DYNC1H1: variants seen among roughly 807,000 people sequenced by gnomAD.
The protein encoded by DYNC1H1 is dynein cytoplasmic 1 heavy chain 1.
In DYNC1H1, 51 loss-of-function variants were observed where a neutral mutation model predicts 527.1. The observed-to-expected ratio is 0.10, with a 90% CI of 0.08 to 0.12. The LOEUF is 0.12. Among genes scored for constraint, DYNC1H1 ranks in the 10% least tolerant of loss-of-function variants. The probability of loss-of-function intolerance (pLI) is 1.00; values close to 1 mark genes in which losing one functional copy is unlikely to be tolerated. For missense variants in DYNC1H1, 2,771 were observed against 5,971.8 expected (o/e 0.46, Z 17.66); for synonymous variants, 2,189 against 2,278.8 (o/e 0.96, Z 1.12).
intron 7 of DYNC1H1, among the ~76,000 whole-genome samples, chr14:101,984,399 A>ATG (rs1357179017): frequency 2.1e-3 from 183 of 87,492 alleles, no homozygotes; most frequent in South Asian, 0.011. Flanking sequence ...ATATGCGTAT[A>ATG]TATGTGTGTG....
At position 102,055,517 on chromosome 14, in the gene DYNC1H1, C is replaced by G. The variant is rs1442954692; in HGVS notation, c.*4954C>G. ...ACCTCCACCTCCAATTAAGCTCCACCCCCATGTCCCCACTGCCCTCCGGAC... is the reference window on the plus strand; with the variant it reads ...ACCTCCACCTCCAATTAAGCTCCACGCCCATGTCCCCACTGCCCTCCGGAC... On this transcript the variant is annotated 3_prime_UTR_variant, in exon 78 of 78. Coordinates refer to ENST00000360184, the MANE Select transcript of DYNC1H1 (RefSeq NM_001376.5). The G allele has an allele frequency of 6.5e-6, 1 of 152,796 alleles. No individual in the cohort carries two copies. The highest frequency in any genetic ancestry group is 1.5e-5 in the Non-Finnish European group (1 of 68,332). The allele number at this position is 152,796 out of a possible 1,614,324, so 9.5% of individuals were successfully genotyped here.
intron 10 of DYNC1H1, among the ~76,000 whole-genome samples, chr14:101,991,023 A>T (rs2047992002): frequency 1.3e-5 from 2 of 151,762 alleles, no homozygotes; most frequent in Admixed American, 6.6e-5. Flanking sequence ...AAAAAAAAAA[A>T]AATACAAAAA....
intron 15 of DYNC1H1, among the ~76,000 whole-genome samples, chr14:101,996,700 C>T (rs1298829695): frequency 6.6e-6 from 1 of 152,190 alleles, no homozygotes; most frequent in Non-Finnish European, 1.5e-5. Context: ...TAGCTCACTG[C>T]AGCCTCAATC....
chr14:102,038,723 C>G lies in DYNC1H1; in HGVS notation c.11081C>G (p.Ser3694Cys). Residue 3694 changes from serine to cysteine, a missense_variant, in exon 59 of 78, where the codon TCC becomes TGC. Ser to Cys is a moderately radical substitution (Grantham distance 112, BLOSUM62 -1). Transcript: ENST00000360184. The surrounding 1 kb of genome is among the most constrained non-coding windows in gnomAD (Gnocchi z 7.2). Reference sequence around the variant, plus strand: ...GTCGAGTTCCCACCAGATCTCTGTTCCCGGGTTACTTTTGTAAACTTCACA... The same window carrying G: ...GTCGAGTTCCCACCAGATCTCTGTTGCCGGGTTACTTTTGTAAACTTCACA... Reference protein sequence around the residue: ...PTVEFPPDLCSRVTFVNFTVT... With the variant: ...PTVEFPPDLCCRVTFVNFTVT... 6.2e-7 allele frequency: 1 copy of G among 1,614,172 alleles called. No homozygotes were observed. Among genetic ancestry groups the G allele is most frequent in the Non-Finnish European group, 8.5e-7 (1 of 1,180,024 alleles).
At chr14:102,023,137 C>T (rs1344917538) in intron 43 of DYNC1H1, 2 of 461,566 alleles carry the variant, frequency 4.3e-6, no homozygotes, top group East Asian at 5.2e-5. Context: ...AGGTAACTCA[C>T]GCCTATGGTC....
chr14:101,991,580 A>G lies in DYNC1H1; in HGVS notation c.2922A>G (p.Pro974=), dbSNP rs963837216. 9 of 1,614,092 alleles carry G rather than the reference A, an allele frequency of 5.6e-6. No individual in the cohort carries two copies. The Admixed American group carries it at 8.3e-5, about 15-fold the overall frequency. Residue 974 remains proline (P), a synonymous_variant, in exon 11 of 78, where the codon CCA becomes CCG. Transcript: ENST00000360184. The part of the protein sequence containing the change: ...ITNQVIYLNP[P]IEECRYKLYQ... Reference sequence around the variant, plus strand: ...ATCAGGTAATCTACTTGAATCCACCAATTGAAGAGTGCAGATACAAGCTGT... The same window carrying G: ...ATCAGGTAATCTACTTGAATCCACCGATTGAAGAGTGCAGATACAAGCTGT...
rs546925321 is a variant in DYNC1H1 at position 102,040,341 on chromosome 14, G to C, written c.11796G>C (p.Ala3932=). 1 of 1,614,196 alleles carries C rather than the reference G, an allele frequency of 6.2e-7. No individual in the cohort carries two copies. Among genetic ancestry groups the C allele is most frequent in the East Asian group, 2.2e-5 (1 of 44,886 alleles). The change falls in exon 63 of 78, where the codon GCG becomes GCC. Residue 3932 remains alanine (A), a synonymous_variant. Coordinates refer to ENST00000360184, the MANE Select transcript of DYNC1H1 (RefSeq NM_001376.5). ...TCCAGGGCCTGACTGTGGAGCAGGC[G>C]GAGGCGGTGGTGAGGCTGAGCTGCC... ...PRIQGLTVEQ[A]EAVVRLSCLP... is the part of the protein sequence containing the mutation.
In DYNC1H1 at chr14:102,042,073, G is replaced by C; in HGVS notation, c.12163G>C (p.Val4055Leu). 6.2e-7 allele frequency: 1 copy of C among 1,614,140 alleles called. No homozygotes were observed. ...GCCTGGTTATGATGCCAGTGGACAT[G>C]TCGAGGACCTTGCAGCCGAGCAGAA... Reference protein sequence around the residue: ...SVPGYDASGHVEDLAAEQNTQ... With the variant: ...SVPGYDASGHLEDLAAEQNTQ... The change falls in exon 66 of 78, where the codon GTC becomes CTC. Residue 4055 changes from valine to leucine, a missense_variant. This residue lies in a region of DYNC1H1 where 195 missense variants were observed against 428.6 expected (regional missense o/e 0.45). Transcript: ENST00000360184. This position sits in a 1 kb window ranked among gnomAD's most constrained non-coding sequence, Gnocchi z 5.7.
intron 16 of DYNC1H1, among the ~76,000 whole-genome samples, chr14:101,998,320 A>C (rs2720211): frequency 0.26 from 29,049 of 110,150 alleles, 4,273 homozygotes; most frequent in African/African-American, 0.47. Flanking sequence ...CCTCTATAAG[A>C]GCTGATCCGA....
intron 69 of DYNC1H1, chr14:102,043,658 T>TAA: frequency 1.6e-6 from 1 of 619,116 alleles, no homozygotes; most frequent in South Asian, 1.9e-5. Flanking sequence ...CTAGATTTCT[T>TAA]ACTGGCTGAA....
intron 10 of DYNC1H1, among the ~76,000 whole-genome samples, chr14:101,989,370 T>C (rs1226066266): frequency 6.6e-6 from 1 of 152,208 alleles, no homozygotes; most frequent in African/African-American, 2.4e-5. Flanking sequence ...GGGAAGAAGG[T>C]GGCAACACAG....
chr14:102,007,954 C>T lies in DYNC1H1; in HGVS notation c.5818-224C>T, dbSNP rs10133325. Among the ~76,000 whole-genome samples the T allele has an allele frequency of 0.044, 6,732 of 152,256 alleles. 415 individuals are homozygous for T. The highest frequency in any genetic ancestry group is 0.13 in the African/African-American group (5,528 of 41,520). On this transcript the variant is annotated intron_variant, in intron 28 of 77. Coordinates refer to ENST00000360184, the MANE Select transcript of DYNC1H1 (RefSeq NM_001376.5). ...TTCCTCGGGATACATGCAGGGAGAGCGCTCTGGTTCCTCCTCCTCTTCTTA... is the reference window on the plus strand; with the variant it reads ...TTCCTCGGGATACATGCAGGGAGAGTGCTCTGGTTCCTCCTCCTCTTCTTA...
At chr14:101,975,955 T>C (rs553643226) in intron 2 of DYNC1H1, among the ~76,000 whole-genome samples, 156 bp downstream of exon 2, 1 of 151,630 alleles carries the variant, frequency 6.6e-6, no homozygotes, top group East Asian at 2.0e-4. Flanking sequence ...TTGCCCAGGC[T>C]GGAGTACAAT....
rs1567021014 is a variant in DYNC1H1 at position 102,038,661 on chromosome 14, G to A, written c.11056-37G>A. The A allele has an allele frequency of 6.2e-6, 10 of 1,614,230 alleles. No homozygotes were observed. The highest frequency in any genetic ancestry group is 7.6e-6 in the Non-Finnish European group (9 of 1,180,052). On this transcript the variant is annotated intron_variant, in intron 58 of 77. Transcript: ENST00000360184. The surrounding 1 kb of genome is among the most constrained non-coding windows in gnomAD (Gnocchi z 7.2). ...TCTGGCAGGATGTGGTTTTGAAACT[G>A]GATTAAGACAGACTGTTCTGTTACC...
At position 102,042,722 on chromosome 14, in the gene DYNC1H1, A is replaced by G; in HGVS notation, c.12487A>G (p.Ser4163Gly). Reference sequence around the variant, plus strand: ...GGCCAACATGCTGAGGACGTTCAGCAGCATTCCCGTCTCACGGATATGCAA... The same window carrying G: ...GGCCAACATGCTGAGGACGTTCAGCGGCATTCCCGTCTCACGGATATGCAA... ...VKANMLRTFSSIPVSRICKSP... is the reference protein window; with the variant it reads ...VKANMLRTFSGIPVSRICKSP... Residue 4163 changes from serine to glycine, a missense_variant, in exon 69 of 78, where the codon AGC becomes GGC. Ser to Gly is a moderately conservative substitution (Grantham distance 56, BLOSUM62 0). Coordinates refer to ENST00000360184, the MANE Select transcript of DYNC1H1 (RefSeq NM_001376.5). This position sits in a 1 kb window ranked among gnomAD's most constrained non-coding sequence, Gnocchi z 5.7. The G allele has an allele frequency of 6.2e-7, 1 of 1,614,206 alleles. No homozygotes were observed. The highest frequency in any genetic ancestry group is 8.5e-7 in the Non-Finnish European group (1 of 1,180,042).
chr14:102,021,808 G>A (rs1035916982), intron 42 of DYNC1H1, among the ~76,000 whole-genome samples: 21 of 151,810 alleles, frequency 1.4e-4, no homozygotes, highest in African/African-American at 4.8e-4. Flanking sequence ...TTACAGACAT[G>A]TGCCACCACG....
chr14:101,988,429 C>A (rs2047959918), intron 9 of DYNC1H1, among the ~76,000 whole-genome samples: 1 of 152,136 alleles, frequency 6.6e-6, no homozygotes, highest in African/African-American at 2.4e-5. Flanking sequence ...GAGAGCACAC[C>A]AGTGGAGAGT....
chr14:101,979,622 A>T lies in DYNC1H1; in HGVS notation c.519-97A>T. 6.2e-7 allele frequency: 1 copy of T among 1,607,536 alleles called. No individual in the cohort carries two copies. Among genetic ancestry groups the T allele is most frequent in the Non-Finnish European group, 8.5e-7 (1 of 1,176,164 alleles). ...GGGATATAAACCCTGTGTATTAATA[A>T]ATATGTGTGTCATTACTATTTGACA... On this transcript the variant is annotated intron_variant, in intron 3 of 77. Transcript: ENST00000360184. The surrounding 1 kb of genome is among the most constrained non-coding windows in gnomAD (Gnocchi z 4.6).
At chr14:101,988,900 ACTCT>A in intron 10 of DYNC1H1, 48 bp downstream of exon 10, 1 of 1,611,204 alleles carries the variant, frequency 6.2e-7, no homozygotes, top group Non-Finnish European at 8.5e-7. Context: ...AAATAACAAA[ACTCT>A]CTCGTTAAAA....
Sources: allele counts gnomAD v4.1 joint callset (sites outside exome capture counted in the v4.1 genomes callset), GRCh38; gene constraint gnomAD v4.1.1; regional missense constraint gnomAD v4.1.1; non-coding constraint Gnocchi (gnomAD v3.1); transcripts MANE v1.5; gene names NCBI Gene and HGNC (gene_info 2026-07-23, HGNC 2026-07-21).